The following CCAR1 variants were observed in gnomAD, a reference collection of about 807,000 sequenced individuals.
CCAR1 encodes cell division cycle and apoptosis regulator protein 1.
A neutral mutation model predicts 163.8 loss-of-function variants in CCAR1; 78 were observed. That is an observed-to-expected ratio of 0.48 (90% CI 0.40 to 0.57). The LOEUF is 0.57. Among genes scored for constraint, CCAR1 ranks in the 20% least tolerant of loss-of-function variants. The pLI is 0.00. For synonymous variants in CCAR1, 443 were observed against 460.7 expected, an observed-to-expected ratio of 0.96 and a Z score of 0.49; for missense variants, 1,019 against 1,365.2, an observed-to-expected ratio of 0.75 and a Z score of 4.00.
intron 6 of CCAR1, among the ~76,000 whole-genome samples, chr10:68,744,505 G>A (rs10998410): frequency 0.078 from 11,934 of 152,120 alleles, 1,339 homozygotes; most frequent in African/African-American, 0.25. Flanking sequence ...ATAGGATCAA[G>A]TGATTGATGG....
At chr10:68,777,995 C>T (rs1283497073) in intron 19 of CCAR1, among the ~76,000 whole-genome samples, 1 of 152,056 alleles carries the variant, frequency 6.6e-6, no homozygotes, top group Non-Finnish European at 1.5e-5. Flanking sequence ...CCAAGGCAGG[C>T]GGATCACAAG....
rs2056793432 is a variant in CCAR1, at chr10:68,786,201, A to G, written c.2716A>G (p.Arg906Gly). 2 of 1,607,420 alleles carry G rather than the reference A, an allele frequency of 1.2e-6. No homozygotes were observed. The highest frequency in any genetic ancestry group is 1.7e-6 in the Non-Finnish European group (2 of 1,174,740). ...KRDINRYCKERPSKDKEKEKT... is the reference protein window; with the variant it reads ...KRDINRYCKEGPSKDKEKEKT... ...AGATATCAACAGATACTGCAAGGAGAGGCCCTCTAAAGATAAGGTGTTTAT... is the reference window on the plus strand; with the variant it reads ...AGATATCAACAGATACTGCAAGGAGGGGCCCTCTAAAGATAAGGTGTTTAT... Residue 906 changes from arginine (R) to glycine (G), a missense_variant, in exon 20 of 25, where the codon AGG (arginine) becomes GGG (glycine). Arg to Gly is a moderately radical substitution (Grantham distance 125). This residue lies in a region of CCAR1 where 358 missense variants were observed against 406.4 expected (regional missense o/e 0.88). Transcript: ENST00000265872.
intron 19 of CCAR1, among the ~76,000 whole-genome samples, chr10:68,777,360 T>TC (rs1370120187): frequency 1.3e-5 from 2 of 152,146 alleles, no homozygotes; most frequent in Non-Finnish European, 2.9e-5. Context: ...TTCCAGTGTA[T>TC]CCCCATCATT....
intron 2 of CCAR1, 36 bp downstream of exon 2, chr10:68,722,613 T>A: frequency 6.6e-7 from 1 of 1,511,576 alleles, no homozygotes; most frequent in Non-Finnish European, 9.2e-7. Context: ...TAATTGTTTG[T>A]GGGGGACTTG....
chr10:68,755,995 C>A (rs1437117324), intron 13 of CCAR1, among the ~76,000 whole-genome samples: 1 of 152,138 alleles, frequency 6.6e-6, no homozygotes, highest in Non-Finnish European at 1.5e-5. Context: ...CACATGAAAT[C>A]TGAACAGCTA....
chr10:68,724,838 A>G (rs557663983), intron 2 of CCAR1, among the ~76,000 whole-genome samples: 2 of 152,258 alleles, frequency 1.3e-5, no homozygotes, highest in South Asian at 4.1e-4. Context: ...AGACAAAGGA[A>G]AAAGATAGTT....
chr10:68,778,993 G>A (rs1388966528), intron 19 of CCAR1, among the ~76,000 whole-genome samples: 2 of 152,118 alleles, frequency 1.3e-5, no homozygotes, highest in East Asian at 3.9e-4. Context: ...TGGGATCACA[G>A]GCCCACGCCT....
Position 68,753,861 on chromosome 10 carries a change from T to C in CCAR1, c.1128T>C (p.Cys376=). The change falls in exon 11 of 25, where the codon TGT becomes TGC. Residue 376 remains cysteine, a synonymous_variant. Coordinates refer to ENST00000265872, the MANE Select transcript of CCAR1 (RefSeq NM_018237.4). The part of the protein sequence containing the change: ...FSKFSLDCPS[C]DMMELRRRYQ... ...TATGTCTGTTTTTCAGTCCCAGTTG[T>C]GACATGATGGAACTAAGGCGCCGTT... The C allele has an allele frequency of 6.2e-7, 1 of 1,612,752 alleles. No homozygotes were observed. Among genetic ancestry groups the C allele is most frequent in the Non-Finnish European group, 8.5e-7 (1 of 1,178,828 alleles).
chr10:68,765,763 A>G (rs986050571), intron 16 of CCAR1, 125 bp from the exon 17 acceptor site: 3 of 654,346 alleles, frequency 4.6e-6, no homozygotes, highest in Non-Finnish European at 5.1e-6. Context: ...TATAAGTACC[A>G]TGAAGAGTCA....
Position 68,742,380 on chromosome 10 carries a change from C to T in CCAR1, c.329C>T (p.Ala110Val). Reference protein sequence around the residue: ...QPQQTLLTQPAVALPTSLSLS... With the variant: ...QPQQTLLTQPVVALPTSLSLS... ...GATGTTGATTTTGTTTTATAGCCAG[C>T]TGTTGCACTGCCTACAAGCCTTAGC... is the stretch of plus-strand genomic sequence containing the variant. The change falls in exon 6 of 25, where the codon GCT (alanine) becomes GTT (valine). Residue 110 changes from alanine (A) to valine (V), a missense_variant. Coordinates refer to ENST00000265872, the MANE Select transcript of CCAR1 (RefSeq NM_018237.4). 6.3e-7 allele frequency: 1 copy of T among 1,595,168 alleles called. No homozygotes were observed. The highest frequency in any genetic ancestry group is 8.5e-7 in the Non-Finnish European group (1 of 1,170,208).
chr10:68,738,855 T>TG (rs2056147319), intron 4 of CCAR1, among the ~76,000 whole-genome samples: 1 of 152,082 alleles, frequency 6.6e-6, no homozygotes. Context: ...GATACCAACT[T>TG]GGCCAATATG....
chr10:68,724,121 G>A (rs369313341), intron 2 of CCAR1, among the ~76,000 whole-genome samples: 2 of 149,558 alleles, frequency 1.3e-5, no homozygotes, highest in South Asian at 4.2e-4. Flanking sequence ...TCACACCACC[G>A]CACTCCAGCC....
rs2056094748 is a variant in CCAR1 at position 68,735,355 on chromosome 10, AC to A, written c.74-1520del. On this transcript the variant is annotated intron_variant, in intron 2 of 24. Coordinates refer to ENST00000265872, the MANE Select transcript of CCAR1 (RefSeq NM_018237.4). ...CAAAGTGAGACTCTGTCTCAAAAAC[AC>A]AAACCGTTTTTGTGCTTTTTTTTTT... Among the ~76,000 whole-genome samples the A allele has an allele frequency of 2.7e-5, 4 of 145,676 alleles. No individual in the cohort carries two copies. In the South Asian group the frequency reaches 8.7e-4, roughly 32 times the overall value.
chr10:68,779,015 T>A (rs1271078488), intron 19 of CCAR1, among the ~76,000 whole-genome samples: 1 of 152,176 alleles, frequency 6.6e-6, no homozygotes, highest in African/African-American at 2.4e-5. Context: ...GCTAATTTTT[T>A]TGTTTTTTTA....
chr10:68,723,780 G>C (rs577184594), intron 2 of CCAR1, among the ~76,000 whole-genome samples: 1 of 150,960 alleles, frequency 6.6e-6, no homozygotes, highest in African/African-American at 2.4e-5. Context: ...CCCAGGAGGT[G>C]AAGCTTGCAG....
rs2056816633 is a variant in CCAR1 at position 68,788,185 on chromosome 10, C to T, written c.3044C>T (p.Ser1015Leu). ...CCAACACCAACAGTAAAGCAGGAATCAAAGGATGTGGAAGAAAATGTTGGC... is the reference window on the plus strand; with the variant it reads ...CCAACACCAACAGTAAAGCAGGAATTAAAGGATGTGGAAGAAAATGTTGGC... ...LLPTPTVKQE[S>L]KDVEENVGLI... is the part of the protein sequence containing the mutation. The change falls in exon 23 of 25, where the codon TCA becomes TTA. Residue 1015 changes from serine to leucine, a missense_variant. By Grantham distance (145) the Ser-to-Leu change is moderately radical. Around this residue, in one of 4 missense-constraint regions of CCAR1, gnomAD observed 358 missense variants for 406.4 expected, o/e 0.88. Coordinates refer to ENST00000265872, the MANE Select transcript of CCAR1 (RefSeq NM_018237.4). The T allele has an allele frequency of 6.3e-7, 1 of 1,591,988 alleles. No homozygotes were observed. The highest frequency in any genetic ancestry group is 1.4e-5 in the African/African-American group (1 of 73,798).
intron 2 of CCAR1, among the ~76,000 whole-genome samples, chr10:68,723,805 G>A (rs1053757185): frequency 8.7e-5 from 13 of 149,236 alleles, no homozygotes; most frequent in Admixed American, 8.1e-4. Context: ...CTGAGATCGC[G>A]CCACTGCACT....
intron 2 of CCAR1, among the ~76,000 whole-genome samples, chr10:68,725,160 A>T (rs2055923506): frequency 6.6e-6 from 1 of 152,128 alleles, no homozygotes; most frequent in Admixed American, 6.6e-5. Flanking sequence ...AAATAGTTGT[A>T]AAAGCAGTAA....
At chr10:68,785,801 C>T (rs2056789343) in intron 19 of CCAR1, among the ~76,000 whole-genome samples, 2 of 152,298 alleles carry the variant, frequency 1.3e-5, no homozygotes, top group South Asian at 2.1e-4. Context: ...AACCATTAGT[C>T]TGCTTTTTGT....
Sources: allele counts gnomAD v4.1 joint callset (sites outside exome capture counted in the v4.1 genomes callset), GRCh38; gene constraint gnomAD v4.1.1; regional missense constraint gnomAD v4.1.1; transcripts MANE v1.5; gene names NCBI Gene and HGNC (gene_info 2026-07-23, HGNC 2026-07-21).